The following QSER1 variants were observed in gnomAD, a reference collection of about 807,000 sequenced individuals.
The protein encoded by QSER1 is glutamine and serine rich 1.
QSER1 carries 49 observed loss-of-function variants against 158.5 expected under a neutral mutation model. The observed-to-expected ratio is 0.31, with a 90% CI of 0.25 to 0.39. QSER1 has a LOEUF of 0.39. Among genes scored for constraint, QSER1 ranks in the 10% least tolerant of loss-of-function variants. The probability of loss-of-function intolerance (pLI) is 1.00; values close to 1 mark genes in which losing one functional copy is unlikely to be tolerated. For synonymous variants in QSER1, 650 were observed against 715.5 expected, an observed-to-expected ratio of 0.91 and a Z score of 1.46; for missense variants, 1,754 against 2,010.3, an observed-to-expected ratio of 0.87 and a Z score of 2.44.
At position 32,955,968 on chromosome 11, in the gene QSER1, C is replaced by T. The variant is rs1564943165; in HGVS notation, c.4618-20C>T. 1 of 1,591,874 alleles carries T rather than the reference C, an allele frequency of 6.3e-7. No homozygotes were observed. Among genetic ancestry groups the T allele is most frequent in the Non-Finnish European group, 8.6e-7 (1 of 1,166,680 alleles). ...ATCTAGATTGTTCAATTATGTAACT[C>T]AAAGTGTTTCCTTCCTCAGTATCTT... is the stretch of plus-strand genomic sequence containing the variant. On this transcript the variant is annotated intron_variant, in intron 6 of 12. Transcript: ENST00000650167.
At position 32,932,886 on chromosome 11, in the gene QSER1, CAA is replaced by C; in HGVS notation, c.1629_1630del (p.Asp545SerfsTer22). On this transcript the variant is annotated frameshift_variant, in exon 4 of 13. Coordinates refer to ENST00000650167, the MANE Select transcript of QSER1 (RefSeq NM_001076786.3). LOFTEE classifies it high-confidence loss of function. ...ACAAATGAGAATTACCCTGCTCAAA[CAA>C]GAGATCTGTCTTCAGTAAGTCAGTC... 6.2e-7 allele frequency: 1 copy of C among 1,614,092 alleles called. No individual in the cohort carries two copies. Among genetic ancestry groups the C allele is most frequent in the Non-Finnish European group, 8.5e-7 (1 of 1,179,996 alleles).
At chr11:32,907,714 C>CT (rs1482548408) in intron 1 of QSER1, among the ~76,000 whole-genome samples, 4 of 152,222 alleles carry the variant, frequency 2.6e-5, no homozygotes, top group Non-Finnish European at 5.9e-5. Flanking sequence ...CCACTTTTGT[C>CT]TGTCTCCTAA....
intron 10 of QSER1, 127 bp downstream of exon 10, chr11:32,969,270 T>C (rs1469512503): frequency 1.9e-5 from 12 of 622,678 alleles, no homozygotes. Context: ...TGGCTTTTAT[T>C]CATTGTAAGT....
rs1243776792 is a variant in QSER1, at chr11:32,973,366, G to A, written c.5206-31G>A. The A allele has an allele frequency of 3.7e-6, 6 of 1,610,124 alleles. No individual in the cohort carries two copies. In the East Asian group the frequency reaches 1.1e-4, roughly 30 times the overall value. ...AGTAGTTTAGGTTAGTTTTCTTCTG[G>A]TGTCAGTTATTTTGCTTCATTGTTT... On this transcript the variant is annotated intron_variant, in intron 10 of 12. Coordinates refer to ENST00000650167, the MANE Select transcript of QSER1 (RefSeq NM_001076786.3).
chr11:32,978,864 G>A lies in QSER1; in HGVS notation c.*2390G>A, dbSNP rs541191833. 6.6e-6 allele frequency: 1 copy of A among 152,324 alleles called. No homozygotes were observed. The highest frequency in any genetic ancestry group is 2.1e-4 in the South Asian group (1 of 4,832). The allele number at this position is 152,324 out of a possible 1,614,324, so 9.4% of individuals were successfully genotyped here. On this transcript the variant is annotated 3_prime_UTR_variant, in exon 13 of 13. Transcript: ENST00000650167. ...ACAGCCGTCCATGAGTTATCGCTTTGTATGAAGTTAAATACAGTCATGCGT... is the reference window on the plus strand; with the variant it reads ...ACAGCCGTCCATGAGTTATCGCTTTATATGAAGTTAAATACAGTCATGCGT...
intron 8 of QSER1, 39 bp downstream of exon 8, chr11:32,958,125 A>G: frequency 1.3e-6 from 2 of 1,488,158 alleles, no homozygotes; most frequent in South Asian, 1.1e-5. Flanking sequence ...ATAACTTTAG[A>G]TTATCTACAT....
rs773908078 is a variant in QSER1, at chr11:32,932,455, A to G, written c.1197A>G (p.Ser399=). The G allele has an allele frequency of 1.9e-6, 3 of 1,613,602 alleles. No individual in the cohort carries two copies. Among genetic ancestry groups the G allele is most frequent in the Non-Finnish European group, 2.5e-6 (3 of 1,180,002 alleles). Residue 399 remains serine (S), a synonymous_variant, in exon 4 of 13, where the codon TCA becomes TCG. Transcript: ENST00000650167. ...LAQSYSSAIP[S]SGYPPSTTKI... is the part of the protein sequence containing the mutation. ...AGTCTTACTCATCTGCGATTCCATC[A>G]TCAGGGTATCCTCCTTCTACTACAA... is the stretch of plus-strand genomic sequence containing the variant.
At chr11:32,911,219 G>A (rs1851761479) in intron 1 of QSER1, among the ~76,000 whole-genome samples, 1 of 151,942 alleles carries the variant, frequency 6.6e-6, no homozygotes, top group South Asian at 2.1e-4. Context: ...TCAGGTAATT[G>A]ATTTTAAAAG....
At chr11:32,920,081 C>T (rs913975408) in intron 1 of QSER1, among the ~76,000 whole-genome samples, 3 of 152,074 alleles carry the variant, frequency 2.0e-5, no homozygotes, top group African/African-American at 7.2e-5. Context: ...GCCTTGGTTC[C>T]TTTTTCTTGG....
At position 32,935,297 on chromosome 11, in the gene QSER1, A is replaced by T. The variant is rs999989942; in HGVS notation, c.4039A>T (p.Asn1347Tyr). 2 of 1,614,006 alleles carry T rather than the reference A, an allele frequency of 1.2e-6. No homozygotes were observed. Among genetic ancestry groups the T allele is most frequent in the South Asian group, 1.1e-5 (1 of 91,062 alleles). Residue 1347 changes from asparagine to tyrosine, a missense_variant, in exon 4 of 13, where the codon AAT (asparagine) becomes TAT (tyrosine). Around this residue, in one of 2 missense-constraint regions of QSER1, gnomAD observed 1,707 missense variants for 1,919.6 expected, o/e 0.89. Coordinates refer to ENST00000650167, the MANE Select transcript of QSER1 (RefSeq NM_001076786.3). ...GGNSPSDKVD[N>Y]ELKNLEHLSS... is the part of the protein sequence containing the mutation. ...TAACAGTCCATCAGATAAAGTTGATAATGAACTTAAAAACTTGGAACATTT... is the reference window on the plus strand; with the variant it reads ...TAACAGTCCATCAGATAAAGTTGATTATGAACTTAAAAACTTGGAACATTT...
intron 1 of QSER1, among the ~76,000 whole-genome samples, chr11:32,921,771 A>G (rs527787373): frequency 6.6e-6 from 1 of 152,252 alleles, no homozygotes; most frequent in African/African-American, 2.4e-5. Flanking sequence ...ACTCAAATGT[A>G]TGTGGAACTA....
At chr11:32,923,957 A>G (rs923438295) in intron 1 of QSER1, among the ~76,000 whole-genome samples, 5 of 152,066 alleles carry the variant, frequency 3.3e-5, no homozygotes, top group Non-Finnish European at 7.4e-5. Flanking sequence ...ACAGAGCAAG[A>G]CTCCATCTCA....
At chr11:32,896,881 GT>G (rs1851562544) in intron 1 of QSER1, among the ~76,000 whole-genome samples, 1 of 152,142 alleles carries the variant, frequency 6.6e-6, no homozygotes, top group African/African-American at 2.4e-5. Flanking sequence ...CAAATCTAGA[GT>G]TTTCCTCAAG....
intron 8 of QSER1, among the ~76,000 whole-genome samples, chr11:32,965,073 G>A (rs1852713597): frequency 6.6e-6 from 1 of 151,660 alleles, no homozygotes; most frequent in African/African-American, 2.4e-5. Context: ...AATTTTCTCT[G>A]TGCACAGGCT....
At chr11:32,945,688 C>G (rs1852319736) in intron 4 of QSER1, among the ~76,000 whole-genome samples, 1 of 149,390 alleles carries the variant, frequency 6.7e-6, no homozygotes, top group Non-Finnish European at 1.5e-5. Flanking sequence ...TTCATTTCAA[C>G]TTTGGTGAAT....
chr11:32,904,406 G>A (rs1851664913), intron 1 of QSER1, among the ~76,000 whole-genome samples: 1 of 151,874 alleles, frequency 6.6e-6, no homozygotes. Flanking sequence ...TGGCCAGGCT[G>A]GCCTCTAACT....
At chr11:32,962,001 C>T (rs560820822) in intron 8 of QSER1, among the ~76,000 whole-genome samples, 49 of 152,268 alleles carry the variant, frequency 3.2e-4, no homozygotes, top group African/African-American at 1.0e-3. Flanking sequence ...AGACCTGAAG[C>T]AGAATTGTTA....
chr11:32,928,118 A>C lies in QSER1; in HGVS notation c.479A>C (p.Gln160Pro). The change falls in exon 3 of 13, where the codon CAG becomes CCG. Residue 160 changes from glutamine to proline, a missense_variant. Physicochemically the swap from Gln to Pro is moderately conservative, Grantham distance 76 (BLOSUM62 -1). Around this residue, in one of 2 missense-constraint regions of QSER1, gnomAD observed 1,707 missense variants for 1,919.6 expected, o/e 0.89. Transcript: ENST00000650167. ...CCACAATTCAGGGCTCCATCCTGGC[A>C]GACAGGTGATTTTCTGTTTCTAGAA... ...LLPQFRAPSW[Q>P]TGMHSSAATE... 1 of 1,603,360 alleles carries C rather than the reference A, an allele frequency of 6.2e-7. No individual in the cohort carries two copies. The highest frequency in any genetic ancestry group is 2.2e-5 in the East Asian group (1 of 44,808).
chr11:32,961,369 A>G (rs1852621332), intron 8 of QSER1, among the ~76,000 whole-genome samples: 1 of 152,140 alleles, frequency 6.6e-6, no homozygotes, highest in African/African-American at 2.4e-5. Flanking sequence ...TCTCTCATCC[A>G]TGCATGGTTT....
Sources: allele counts gnomAD v4.1 joint callset (sites outside exome capture counted in the v4.1 genomes callset), GRCh38; gene constraint gnomAD v4.1.1; regional missense constraint gnomAD v4.1.1; transcripts MANE v1.5; gene names NCBI Gene and HGNC (gene_info 2026-07-23, HGNC 2026-07-21).